The following SEMA5B variants were observed in gnomAD, a reference collection of about 807,000 sequenced individuals.
The protein encoded by SEMA5B is semaphorin-5B.
A neutral mutation model predicts 135.0 loss-of-function variants in SEMA5B; 66 were observed. That is an observed-to-expected ratio of 0.49 (90% CI 0.40 to 0.60). The LOEUF is 0.60. SEMA5B is among the 20% of genes least tolerant of loss of function. The probability of loss-of-function intolerance (pLI) is 0.00; values close to 1 mark genes in which losing one functional copy is unlikely to be tolerated. For missense variants in SEMA5B, 1,501 were observed against 1,566.3 expected, an observed-to-expected ratio of 0.96 and a Z score of 0.70; for synonymous variants, 690 against 639.5, an observed-to-expected ratio of 1.08 and a Z score of -1.19.
chr3:123,001,715 A>G (rs759083781), intron 1 of SEMA5B, among the ~76,000 whole-genome samples: 12 of 152,224 alleles, frequency 7.9e-5, no homozygotes, highest in Non-Finnish European at 1.8e-4. Flanking sequence ...CGACACCTGC[A>G]TTCAGCCTCA....
rs752368031 is a variant in SEMA5B at position 122,923,761 on chromosome 3, C to A, written c.1137-9G>T. On this transcript the variant is annotated splice_polypyrimidine_tract_variant and intron_variant, in intron 9 of 22. Coordinates refer to ENST00000357599, the MANE Select transcript of SEMA5B (RefSeq NM_001031702.4). ...AAGCCGCGATGCTGTTTCTGAAAGG[C>A]AAGAAGTGGTGGCACAGGGCCCTCC... 1.3e-4 allele frequency: 208 copies of A among 1,613,848 alleles called. 1 individual carries two copies. Among genetic ancestry groups the A allele is most frequent in the Non-Finnish European group, 1.7e-4 (203 of 1,179,966 alleles).
chr3:122,920,627 A>G (rs932974349), intron 12 of SEMA5B, among the ~76,000 whole-genome samples: 2 of 152,218 alleles, frequency 1.3e-5, no homozygotes, highest in African/African-American at 2.4e-5. Flanking sequence ...TGCTCCATCA[A>G]ATGTCTCCCC....
chr3:122,967,077 G>A (rs1940885782), intron 1 of SEMA5B, among the ~76,000 whole-genome samples: 2 of 151,096 alleles, frequency 1.3e-5, no homozygotes, highest in Non-Finnish European at 2.9e-5. Context: ...AGAGACGGGG[G>A]TTTCTCCATG....
intron 12 of SEMA5B, among the ~76,000 whole-genome samples, chr3:122,919,145 C>A (rs1430996247): frequency 6.6e-6 from 1 of 151,900 alleles, no homozygotes; most frequent in Non-Finnish European, 1.5e-5. Flanking sequence ...AGTAGTCTCA[C>A]AGTGGGAGCT....
At chr3:122,914,082 A>G in intron 14 of SEMA5B, 81 bp from the exon 15 acceptor site, 1 of 1,414,328 alleles carries the variant, frequency 7.1e-7, no homozygotes, top group South Asian at 1.5e-5. Context: ...GGGCCGATGT[A>G]TTTTCTACTG....
intron 1 of SEMA5B, among the ~76,000 whole-genome samples, chr3:123,017,933 A>G (rs1007581290): frequency 2.7e-5 from 4 of 150,168 alleles, no homozygotes; most frequent in Non-Finnish European, 2.9e-5. Flanking sequence ...AAAAAAAAAA[A>G]GGATTTTTTG....
intron 1 of SEMA5B, among the ~76,000 whole-genome samples, chr3:123,020,076 T>A (rs1942643501): frequency 6.6e-6 from 1 of 152,228 alleles, no homozygotes; most frequent in Non-Finnish European, 1.5e-5. Context: ...AATATTCCAC[T>A]TCTAGAAATC....
rs531184256 is a variant in SEMA5B at position 122,950,814 on chromosome 3, A to C, written c.125-2105T>G. On this transcript the variant is annotated intron_variant, in intron 2 of 22. Coordinates refer to ENST00000357599, the MANE Select transcript of SEMA5B (RefSeq NM_001031702.4). ...GTTCATTGTGCCATCCTTTGAAAGA[A>C]CAGAAAGGCAGAAAACAACCAAATA... 4.9e-4 allele frequency among the ~76,000 whole-genome samples: 74 copies of C among 152,374 alleles called. 1 individual carries two copies. Among genetic ancestry groups the C allele is most frequent in the African/African-American group, 1.6e-3 (68 of 41,584 alleles).
chr3:122,932,456 C>G (rs1253479405), intron 5 of SEMA5B, among the ~76,000 whole-genome samples: 1 of 151,992 alleles, frequency 6.6e-6, no homozygotes, highest in Admixed American at 6.6e-5. Context: ...CCTTCTTAAT[C>G]ACCTGACCAC....
chr3:122,926,317 T>A (rs1037904930), intron 9 of SEMA5B, 75 bp downstream of exon 9: 3 of 1,424,166 alleles, frequency 2.1e-6, no homozygotes, highest in East Asian at 2.4e-5. Flanking sequence ...ATTTTATAGA[T>A]GAAGCCCACC....
At chr3:122,920,975 G>C (rs1454302109) in intron 12 of SEMA5B, among the ~76,000 whole-genome samples, 2 of 152,298 alleles carry the variant, frequency 1.3e-5, no homozygotes, top group East Asian at 3.9e-4. Flanking sequence ...AAGGGAGCTG[G>C]AGTGTCTGCC....
chr3:123,005,736 C>T (rs1013693780), intron 1 of SEMA5B, among the ~76,000 whole-genome samples: 1 of 152,080 alleles, frequency 6.6e-6, no homozygotes, highest in African/African-American at 2.4e-5. Context: ...CATTTGAGCT[C>T]TTCACTTTTT....
chr3:122,942,396 C>T (rs1299393032), intron 4 of SEMA5B, among the ~76,000 whole-genome samples: 5 of 152,148 alleles, frequency 3.3e-5, no homozygotes, highest in Non-Finnish European at 5.9e-5. Context: ...CAGCATGGCC[C>T]GGAAGTGCCC....
At chr3:122,967,287 G>T (rs758140591) in intron 1 of SEMA5B, among the ~76,000 whole-genome samples, 2 of 152,096 alleles carry the variant, frequency 1.3e-5, no homozygotes, top group African/African-American at 4.8e-5. Context: ...TTTTAGGGTG[G>T]TGAAGGACCT....
chr3:122,970,892 T>C (rs1403905494), intron 1 of SEMA5B, among the ~76,000 whole-genome samples: 1 of 152,196 alleles, frequency 6.6e-6, no homozygotes, highest in Non-Finnish European at 1.5e-5. Flanking sequence ...TATACCCTCT[T>C]TCTGGGGGTT....
intron 21 of SEMA5B, 150 bp from the exon 22 acceptor site, chr3:122,911,195 G>A (rs1375175487): frequency 2.0e-6 from 2 of 1,008,996 alleles, no homozygotes; most frequent in Non-Finnish European, 2.9e-6. Context: ...CAGGGAGGCT[G>A]GGGAGGCTGT....
chr3:122,948,177 G>A (rs1342122690), intron 3 of SEMA5B, among the ~76,000 whole-genome samples: 2 of 152,146 alleles, frequency 1.3e-5, no homozygotes, highest in Non-Finnish European at 2.9e-5. Context: ...CCTAATGCAT[G>A]AGTCATGCTG....
intron 12 of SEMA5B, among the ~76,000 whole-genome samples, chr3:122,919,883 G>T (rs1337140076): frequency 6.6e-6 from 1 of 152,146 alleles, no homozygotes; most frequent in Non-Finnish European, 1.5e-5. Context: ...TTGCTCCAGG[G>T]CAAGAGTGCA....
At chr3:122,952,141 AC>A (rs1940080236) in intron 2 of SEMA5B, among the ~76,000 whole-genome samples, 1 of 152,138 alleles carries the variant, frequency 6.6e-6, no homozygotes, top group African/African-American at 2.4e-5. Flanking sequence ...GAAGGGCCTA[AC>A]CATTCCTCTT....
Sources: allele counts gnomAD v4.1 joint callset (sites outside exome capture counted in the v4.1 genomes callset), GRCh38; gene constraint gnomAD v4.1.1; transcripts MANE v1.5; gene names NCBI Gene and HGNC (gene_info 2026-07-23, HGNC 2026-07-21).